CRABP1: variants seen among roughly 807,000 people sequenced by gnomAD.
CRABP1 encodes the protein cellular retinoic acid-binding protein 1.
In CRABP1, 9 loss-of-function variants were observed where a neutral mutation model predicts 16.4. That is an observed-to-expected ratio of 0.55 (90% CI 0.33 to 0.96). CRABP1 has a LOEUF of 0.96. Among genes scored for constraint, CRABP1 ranks in the 40% least tolerant of loss-of-function variants. CRABP1 has a pLI of 0.03. For synonymous variants in CRABP1, 72 were observed against 70.4 expected, an observed-to-expected ratio of 1.02 and a Z score of -0.11; for missense variants, 157 against 186.0, an observed-to-expected ratio of 0.84 and a Z score of 0.91.
At position 78,341,383 on chromosome 15, in the gene CRABP1, C is replaced by T. The variant is rs573727467; in HGVS notation, c.249+162C>T. On this transcript the variant is annotated intron_variant, in intron 2 of 3. Coordinates refer to ENST00000299529, the MANE Select transcript of CRABP1 (RefSeq NM_004378.3). The surrounding 1 kb of genome is among the most constrained non-coding windows in gnomAD (Gnocchi z 5.3). ...AGAGGGGGTTTGTGCATCCTAGTTG[C>T]CCCTGGCTCAAGACAAAGTATTACC... 1.5e-5 allele frequency: 12 copies of T among 779,612 alleles called. No homozygotes were observed. Among genetic ancestry groups the T allele is most frequent in the Admixed American group, 1.1e-4 (5 of 47,196 alleles). The allele number at this position is 779,612 out of a possible 1,614,324, so 48.3% of individuals were successfully genotyped here.
In CRABP1 at chr15:78,341,664, C is replaced by T. The variant is rs2141526015; in HGVS notation, c.249+443C>T. The T allele has an allele frequency of 6.9e-6, 2 of 290,740 alleles. No individual in the cohort carries two copies. The highest frequency in any genetic ancestry group is 9.1e-5 in the East Asian group (1 of 10,930). 18.0% of individuals were successfully genotyped at this position (290,740 alleles called of 1,614,324 possible). On this transcript the variant is annotated intron_variant, in intron 2 of 3. Coordinates refer to ENST00000299529, the MANE Select transcript of CRABP1 (RefSeq NM_004378.3). This position sits in a 1 kb window ranked among gnomAD's most constrained non-coding sequence, Gnocchi z 5.3. ...CCCGGGTCCCTGGGCCGCCTGGGTA[C>T]GCTCTGGATACAGTTTTAGCAGTCC... is the stretch of plus-strand genomic sequence containing the variant.
chr15:78,340,553 T>C (rs2050226917), intron 1 of CRABP1, 55 bp downstream of exon 1: 23 of 1,573,100 alleles, frequency 1.5e-5, no homozygotes, highest in Non-Finnish European at 1.9e-5. Flanking sequence ...GGAGGTGCCC[T>C]GGTCCCGGAA....
At position 78,341,345 on chromosome 15, in the gene CRABP1, A is replaced by T. The variant is rs1321074657; in HGVS notation, c.249+124A>T. 1 of 1,121,980 alleles carries T rather than the reference A, an allele frequency of 8.9e-7. No homozygotes were observed. The highest frequency in any genetic ancestry group is 2.6e-5 in the East Asian group (1 of 39,060). The allele number at this position is 1,121,980 out of a possible 1,614,324, so 69.5% of individuals were successfully genotyped here. A position where few individuals can be genotyped will look rare whatever the true frequency, so the allele number is the denominator to read the frequency against. ...CGCGCCTTCCTTGCAGGGTGTGTACACTGGCTGTTTGCAGAGGGGGTTTGT... is the reference window on the plus strand; with the variant it reads ...CGCGCCTTCCTTGCAGGGTGTGTACTCTGGCTGTTTGCAGAGGGGGTTTGT... On this transcript the variant is annotated intron_variant, in intron 2 of 3. Transcript: ENST00000299529. This position sits in a 1 kb window ranked among gnomAD's most constrained non-coding sequence, Gnocchi z 5.3.
chr15:78,344,891 G>A (rs760256473), intron 3 of CRABP1, among the ~76,000 whole-genome samples: 4 of 151,810 alleles, frequency 2.6e-5, no homozygotes, highest in Non-Finnish European at 4.4e-5. Flanking sequence ...ACTCTAGCCT[G>A]GGCAACAGAG....
intron 3 of CRABP1, 81 bp downstream of exon 3, chr15:78,343,693 C>A: frequency 1.0e-6 from 1 of 985,426 alleles, no homozygotes; most frequent in Non-Finnish European, 1.5e-6. Context: ...ATGTCCTCCT[C>A]ACTCGGCCGT....
chr15:78,340,907 A>T, intron 1 of CRABP1, 136 bp from the exon 2 acceptor site: 1 of 915,904 alleles, frequency 1.1e-6, no homozygotes, highest in Non-Finnish European at 1.6e-6. Context: ...TCATCTCGAA[A>T]ACAAGGGCGA....
chr15:78,342,818 G>T (rs2050242249), intron 2 of CRABP1, among the ~76,000 whole-genome samples: 1 of 152,182 alleles, frequency 6.6e-6, no homozygotes. Context: ...GACAGATGTG[G>T]TTACAAACTT....
intron 1 of CRABP1, 113 bp downstream of exon 1, chr15:78,340,611 G>T: frequency 8.2e-7 from 1 of 1,212,482 alleles, no homozygotes; most frequent in East Asian, 2.6e-5. Flanking sequence ...CAGGCAGGAG[G>T]GAGTCCCCGG....
chr15:78,342,871 G>A (rs1235631161), intron 2 of CRABP1, among the ~76,000 whole-genome samples: 1 of 152,130 alleles, frequency 6.6e-6, no homozygotes, highest in Non-Finnish European at 1.5e-5. Flanking sequence ...TGATGTGAAG[G>A]TTCTTGCTTT....
chr15:78,343,460 G>A, intron 2 of CRABP1, 39 bp from the exon 3 acceptor site: 1 of 1,503,036 alleles, frequency 6.7e-7, no homozygotes, highest in Non-Finnish European at 9.3e-7. Context: ...CCGCTGCTGA[G>A]ACTCTAATTA....
Position 78,342,841 on chromosome 15 carries a change from G to A in CRABP1, c.250-658G>A, listed in dbSNP as rs138751624. ...TGGTTACAAACTTGGTGTCTTAACT[G>A]TTGTCAAATCTTGTGGTTCTGATGT... is the stretch of plus-strand genomic sequence containing the variant. On this transcript the variant is annotated intron_variant, in intron 2 of 3. Transcript: ENST00000299529. Among the ~76,000 whole-genome samples, 1,521 of 152,284 alleles carry A rather than the reference G, an allele frequency of 1.0e-2. 14 individuals are homozygous for A. Among genetic ancestry groups the A allele is most frequent in the African/African-American group, 0.026 (1,082 of 41,544 alleles).
At chr15:78,340,732 A>G in intron 1 of CRABP1, 1 of 604,148 alleles carries the variant, frequency 1.7e-6, no homozygotes, top group Non-Finnish European at 2.9e-6. Context: ...GCCCTCCTCG[A>G]TGGTGCGGAC....
rs997731293 is a variant in CRABP1 at position 78,343,420 on chromosome 15, A to AT, written c.250-74dup. The AT allele has an allele frequency of 5.4e-6, 6 of 1,120,240 alleles. No individual in the cohort carries two copies. The African/African-American group carries it at 7.7e-5, about 14-fold the overall frequency. The allele number at this position is 1,120,240 out of a possible 1,614,324, so 69.4% of individuals were successfully genotyped here. A position where few individuals can be genotyped will look rare whatever the true frequency, so the allele number is the denominator to read the frequency against. ...TGTGTTGATTCTCTGCAGAGCAATTATTTTTCAATGCTCATTGTTGTCCCT... is the reference window on the plus strand; with the variant it reads ...TGTGTTGATTCTCTGCAGAGCAATTATTTTTTCAATGCTCATTGTTGTCCCT... On this transcript the variant is annotated intron_variant, in intron 2 of 3. Coordinates refer to ENST00000299529, the MANE Select transcript of CRABP1 (RefSeq NM_004378.3).
At position 78,340,421 on chromosome 15, in the gene CRABP1, C is replaced by A. The variant is rs376583344; in HGVS notation, c.-8C>A. ...CTGTCCGTACCTGCCGCCGCCGCCACCGCCACCATGCCCAACTTCGCCGGC... is the reference window on the plus strand; with the variant it reads ...CTGTCCGTACCTGCCGCCGCCGCCAACGCCACCATGCCCAACTTCGCCGGC... On this transcript the variant is annotated 5_prime_UTR_variant, in exon 1 of 4. Coordinates refer to ENST00000299529, the MANE Select transcript of CRABP1 (RefSeq NM_004378.3). The A allele has an allele frequency of 3.8e-6, 6 of 1,590,678 alleles. No individual in the cohort carries two copies. The African/African-American group carries it at 5.4e-5, about 14-fold the overall frequency.
intron 3 of CRABP1, among the ~76,000 whole-genome samples, chr15:78,345,561 GT>G (rs2050260790): frequency 6.6e-6 from 1 of 152,112 alleles, no homozygotes; most frequent in Non-Finnish European, 1.5e-5. Context: ...AGTAGGATCG[GT>G]TTGCTCTGAG....
chr15:78,344,928 C>CA (rs545403305), intron 3 of CRABP1, among the ~76,000 whole-genome samples: 6,499 of 132,272 alleles, frequency 0.049, 439 homozygotes, highest in African/African-American at 0.18. Flanking sequence ...AAATTAAAAA[C>CA]AAAAAAAAAA....
intron 3 of CRABP1, among the ~76,000 whole-genome samples, chr15:78,347,574 C>T (rs2050273555): frequency 6.6e-6 from 1 of 152,196 alleles, no homozygotes; most frequent in African/African-American, 2.4e-5. Context: ...ATCTTGAAGT[C>T]ATTTGAAAAG....
Position 78,341,531 on chromosome 15 carries a change from A to G in CRABP1, c.249+310A>G. 2.8e-6 allele frequency: 1 copy of G among 356,638 alleles called. No individual in the cohort carries two copies. Among genetic ancestry groups the G allele is most frequent in the Non-Finnish European group, 5.4e-6 (1 of 184,924 alleles). 22.1% of individuals were successfully genotyped at this position (356,638 alleles called of 1,614,324 possible). Reference sequence around the variant, plus strand: ...GCTTTTGCAGCGGTTTGCAGCGCCAAGCGCAGGCGGCGCAGGAGGAGGAGG... The same window carrying G: ...GCTTTTGCAGCGGTTTGCAGCGCCAGGCGCAGGCGGCGCAGGAGGAGGAGG... On this transcript the variant is annotated intron_variant, in intron 2 of 3. Coordinates refer to ENST00000299529, the MANE Select transcript of CRABP1 (RefSeq NM_004378.3). This position sits in a 1 kb window ranked among gnomAD's most constrained non-coding sequence, Gnocchi z 5.3.
At chr15:78,345,439 GC>G (rs1230578788) in intron 3 of CRABP1, among the ~76,000 whole-genome samples, 1 of 152,154 alleles carries the variant, frequency 6.6e-6, no homozygotes, top group African/African-American at 2.4e-5. Flanking sequence ...GCTTGGGGGA[GC>G]AATTTGAGGC....
Sources: gnomAD v4.1 joint callset for allele counts (sites outside exome capture counted in the v4.1 genomes callset) on GRCh38, gnomAD v4.1.1 for gene constraint, Gnocchi (gnomAD v3.1) non-coding constraint, MANE v1.5 for transcripts, NCBI Gene and HGNC (gene_info 2026-07-23, HGNC 2026-07-21) for gene names.